Variants in KCNT2 observed in about 807,000 individuals in gnomAD.
The protein encoded by KCNT2 is potassium channel subfamily T member 2.
A neutral mutation model predicts 153.8 loss-of-function variants in KCNT2; 67 were observed. That is an observed-to-expected ratio of 0.44 (90% confidence interval 0.36 to 0.53). KCNT2 has a LOEUF of 0.53. Among genes scored for constraint, KCNT2 ranks in the 20% least tolerant of loss-of-function variants. The pLI is 0.00. For synonymous variants in KCNT2, 500 were observed against 458.8 expected, an observed-to-expected ratio of 1.09 and a Z score of -1.15; for missense variants, 975 against 1,354.8, an observed-to-expected ratio of 0.72 and a Z score of 4.40.
intron 20 of KCNT2, among the ~76,000 whole-genome samples, chr1:196,317,631 A>G (rs2148027779): frequency 6.6e-6 from 1 of 151,816 alleles, no homozygotes; most frequent in South Asian, 2.1e-4. Flanking sequence ...AAAGGAAAGG[A>G]TAGGGCAGTC....
chr1:196,324,418 G>A (rs997616923), intron 19 of KCNT2, among the ~76,000 whole-genome samples: 1 of 151,920 alleles, frequency 6.6e-6, no homozygotes, highest in African/African-American at 2.4e-5. Flanking sequence ...CACCTTCTTT[G>A]TGTCTCTTTT....
At chr1:196,340,306 TA>T (rs1558166757) in intron 16 of KCNT2, 34 bp downstream of exon 16, 3 of 1,181,352 alleles carry the variant, frequency 2.5e-6, no homozygotes, top group Non-Finnish European at 3.6e-6. Context: ...ATTTTAGAAA[TA>T]AATTAATGAT....
rs571996678 is a variant in KCNT2, at chr1:196,433,484, T to C, written c.639-3727A>G. Reference sequence around the variant, plus strand: ...GATGGGAATGTGGTGGTGAAAATGTTCTGAAACTAAATTGAGGTGATGGTA... The same window carrying C: ...GATGGGAATGTGGTGGTGAAAATGTCCTGAAACTAAATTGAGGTGATGGTA... On this transcript the variant is annotated intron_variant, in intron 8 of 27. Coordinates refer to ENST00000294725, the MANE Select transcript of KCNT2 (RefSeq NM_198503.5). Among the ~76,000 whole-genome samples, 3 of 152,210 alleles carry C rather than the reference T, an allele frequency of 2.0e-5. No individual in the cohort carries two copies. In the South Asian group the frequency reaches 6.2e-4, roughly 32 times the overall value.
At chr1:196,405,921 A>G (rs1671794028) in intron 12 of KCNT2, among the ~76,000 whole-genome samples, 1 of 151,586 alleles carries the variant, frequency 6.6e-6, no homozygotes, top group African/African-American at 2.4e-5. Flanking sequence ...AAATAAATAA[A>G]GAGTAAAAGA....
chr1:196,547,801 A>G (rs1657312275), intron 1 of KCNT2, among the ~76,000 whole-genome samples: 1 of 151,814 alleles, frequency 6.6e-6, no homozygotes, highest in African/African-American at 2.4e-5. Context: ...TTTGAAAAAA[A>G]GCAATACATC....
At chr1:196,351,773 G>A (rs955659552) in intron 14 of KCNT2, among the ~76,000 whole-genome samples, 36 of 152,134 alleles carry the variant, frequency 2.4e-4, no homozygotes, top group Non-Finnish European at 3.5e-4. Flanking sequence ...GGGCATCCCT[G>A]TCTTGTACCA....
Position 196,436,858 on chromosome 1 carries a change from T to A in KCNT2, c.639-7101A>T, listed in dbSNP as rs150165024. On this transcript the variant is annotated intron_variant, in intron 8 of 27. Coordinates refer to ENST00000294725, the MANE Select transcript of KCNT2 (RefSeq NM_198503.5). ...GTCAGTTACAACCAAGTTAAACAAT[T>A]TAAATTATATATTACATTAAAAGTG... 3.3e-3 allele frequency among the ~76,000 whole-genome samples: 494 copies of A among 149,024 alleles called. 4 individuals are homozygous for A. The highest frequency in any genetic ancestry group is 0.011 in the African/African-American group (465 of 40,900).
chr1:196,318,522 G>A (rs1039377614), intron 20 of KCNT2, among the ~76,000 whole-genome samples: 4 of 151,664 alleles, frequency 2.6e-5, no homozygotes, highest in African/African-American at 4.8e-5. Context: ...TAGATATACT[G>A]TTTTTCTAAT....
At chr1:196,543,177 G>A (rs1656616815) in intron 1 of KCNT2, among the ~76,000 whole-genome samples, 1 of 152,156 alleles carries the variant, frequency 6.6e-6, no homozygotes, top group African/African-American at 2.4e-5. Flanking sequence ...TAAGCTTTAT[G>A]CATGAGAAAT....
intron 1 of KCNT2, among the ~76,000 whole-genome samples, chr1:196,504,880 CT>C (rs1405028184): frequency 6.6e-6 from 1 of 152,128 alleles, no homozygotes; most frequent in Non-Finnish European, 1.5e-5. Context: ...GCATAAATGT[CT>C]TCTTTTGAGA....
intron 25 of KCNT2, among the ~76,000 whole-genome samples, chr1:196,268,536 C>T (rs1481526376): frequency 6.6e-6 from 1 of 152,056 alleles, no homozygotes; most frequent in East Asian, 1.9e-4. Flanking sequence ...TTTCAGTCAC[C>T]CATCCAACAT....
intron 23 of KCNT2, among the ~76,000 whole-genome samples, chr1:196,283,548 G>A (rs943452843): frequency 5.9e-5 from 9 of 152,142 alleles, no homozygotes; most frequent in African/African-American, 2.2e-4. Context: ...TGGAAAGGTT[G>A]AAAGCTAGAA....
At chr1:196,414,525 A>G (rs1358395411) in intron 12 of KCNT2, among the ~76,000 whole-genome samples, 13 of 151,798 alleles carry the variant, frequency 8.6e-5, no homozygotes, top group Non-Finnish European at 1.9e-4. Context: ...AATTGACCTG[A>G]TATTTTGTAT....
At chr1:196,311,807 C>G (rs1662210524) in intron 21 of KCNT2, among the ~76,000 whole-genome samples, 1 of 151,584 alleles carries the variant, frequency 6.6e-6, no homozygotes, top group South Asian at 2.1e-4. Context: ...ATTTCTTTCT[C>G]AGTAAAATGA....
intron 14 of KCNT2, among the ~76,000 whole-genome samples, chr1:196,361,409 A>T (rs1195055337): frequency 6.6e-6 from 1 of 152,094 alleles, no homozygotes; most frequent in East Asian, 1.9e-4. Flanking sequence ...ACTGAGAAGC[A>T]GTTGGATCCC....
intron 1 of KCNT2, among the ~76,000 whole-genome samples, chr1:196,523,344 G>A (rs1002441295): frequency 2.0e-5 from 3 of 152,188 alleles, no homozygotes; most frequent in African/African-American, 7.2e-5. Flanking sequence ...CTTCATTCTT[G>A]AAGTCAGCAA....
intron 19 of KCNT2, among the ~76,000 whole-genome samples, chr1:196,320,079 CA>C (rs1663138587): frequency 6.6e-6 from 1 of 151,582 alleles, no homozygotes; most frequent in Admixed American, 6.6e-5. Context: ...TATGCTCATG[CA>C]AAATATGTAT....
intron 1 of KCNT2, among the ~76,000 whole-genome samples, chr1:196,599,096 A>G (rs912794718): frequency 1.3e-5 from 2 of 152,192 alleles, no homozygotes; most frequent in Non-Finnish European, 2.9e-5. Context: ...ATCACTCCTT[A>G]ATGGAACCTG....
At chr1:196,596,775 C>T (rs1335673669) in intron 1 of KCNT2, among the ~76,000 whole-genome samples, 1 of 152,118 alleles carries the variant, frequency 6.6e-6, no homozygotes, top group Non-Finnish European at 1.5e-5. Flanking sequence ...GATCACGTTT[C>T]ACCGCAGCCT....
Sources: allele counts gnomAD v4.1 joint callset (sites outside exome capture counted in the v4.1 genomes callset), GRCh38; gene constraint gnomAD v4.1.1; transcripts MANE v1.5; gene names NCBI Gene and HGNC (gene_info 2026-07-23, HGNC 2026-07-21).